ERC2: variants seen among roughly 807,000 people sequenced by gnomAD.
ERC2 encodes the protein ELKS/RAB6-interacting/CAST family member 2.
ERC2 carries 42 observed loss-of-function variants against 114.8 expected under a neutral mutation model. The observed-to-expected ratio is 0.37, with a 90% CI of 0.29 to 0.47. The LOEUF (loss-of-function observed/expected upper bound fraction) is 0.47. Ranked by LOEUF, ERC2 falls within the 20% of genes least tolerant of loss-of-function variation. The pLI is 0.99. For missense variants in ERC2, 939 were observed against 1,150.7 expected, an observed-to-expected ratio of 0.82 and a Z score of 2.66; for synonymous variants, 454 against 425.5, an observed-to-expected ratio of 1.07 and a Z score of -0.82.
chr3:55,656,358 A>G (rs1385847235), intron 17 of ERC2, among the ~76,000 whole-genome samples: 1 of 151,904 alleles, frequency 6.6e-6, no homozygotes, highest in Non-Finnish European at 1.5e-5. Context: ...GAGTCTCACT[A>G]TGTTGCCCAG....
chr3:56,325,805 A>T (rs1285732407), intron 2 of ERC2, among the ~76,000 whole-genome samples: 1 of 152,186 alleles, frequency 6.6e-6, no homozygotes, highest in Non-Finnish European at 1.5e-5. Flanking sequence ...CTTTCTACAG[A>T]TGAGAAAACT....
chr3:55,610,550 A>ACACACAC (rs1559739543), intron 17 of ERC2: 1 of 62,062 alleles, frequency 1.6e-5, no homozygotes, highest in Non-Finnish European at 4.3e-5. Context: ...CACACACACA[A>ACACACAC]AGTAGCCAGG....
chr3:56,292,924 T>C (rs1232996080), intron 3 of ERC2, among the ~76,000 whole-genome samples: 1 of 152,206 alleles, frequency 6.6e-6, no homozygotes, highest in African/African-American at 2.4e-5. Flanking sequence ...TCACCAGTGC[T>C]TCACTCTCTT....
chr3:55,676,854 C>T (rs528552283), intron 17 of ERC2, among the ~76,000 whole-genome samples: 181 of 152,290 alleles, frequency 1.2e-3, no homozygotes, highest in African/African-American at 4.1e-3. Flanking sequence ...CTCTGCTAGA[C>T]GCCTCCCGCC....
chr3:56,107,647 T>C (rs1433436162), intron 6 of ERC2, among the ~76,000 whole-genome samples: 1 of 152,182 alleles, frequency 6.6e-6, no homozygotes, highest in Non-Finnish European at 1.5e-5. Context: ...ACCCTTCTGA[T>C]TTTTTCATTA....
chr3:56,197,448 T>G (rs1423852612), intron 3 of ERC2, among the ~76,000 whole-genome samples: 1 of 152,230 alleles, frequency 6.6e-6, no homozygotes, highest in Non-Finnish European at 1.5e-5. Flanking sequence ...ATATTCACTT[T>G]TGTTCATATT....
intron 2 of ERC2, among the ~76,000 whole-genome samples, chr3:56,307,071 G>A (rs2056272097): frequency 6.6e-6 from 1 of 152,170 alleles, no homozygotes; most frequent in African/African-American, 2.4e-5. Context: ...TGGCCCTGGT[G>A]CAGAGGTGCA....
intron 4 of ERC2, among the ~76,000 whole-genome samples, chr3:56,158,381 G>A (rs1453344903): frequency 6.6e-6 from 1 of 152,110 alleles, no homozygotes; most frequent in Non-Finnish European, 1.5e-5. Flanking sequence ...CAAACTATGT[G>A]TGTATTCAGA....
chr3:55,853,168 A>G (rs2061647618), intron 14 of ERC2, among the ~76,000 whole-genome samples: 1 of 152,218 alleles, frequency 6.6e-6, no homozygotes, highest in Non-Finnish European at 1.5e-5. Context: ...CCGTCCAACC[A>G]TGTGATTCAT....
intron 1 of ERC2, among the ~76,000 whole-genome samples, chr3:56,435,522 G>A (rs1244730305): frequency 6.6e-6 from 1 of 152,186 alleles, no homozygotes; most frequent in Non-Finnish European, 1.5e-5. Context: ...GCTATAAAAA[G>A]GCCCCTCCTT....
chr3:55,724,410 A>G (rs2064781090), intron 15 of ERC2, among the ~76,000 whole-genome samples: 1 of 152,184 alleles, frequency 6.6e-6, no homozygotes. Flanking sequence ...TAACTGAAGT[A>G]TTGCACCAAT....
intron 14 of ERC2, among the ~76,000 whole-genome samples, chr3:55,789,662 C>T (rs2069820209): frequency 6.6e-6 from 1 of 152,148 alleles, no homozygotes; most frequent in African/African-American, 2.4e-5. Context: ...TATCATTTCC[C>T]CCAAACAATT....
intron 2 of ERC2, among the ~76,000 whole-genome samples, chr3:56,342,423 G>A (rs2058124394): frequency 6.6e-6 from 1 of 152,180 alleles, no homozygotes; most frequent in Non-Finnish European, 1.5e-5. Flanking sequence ...AAATAGGTAG[G>A]AAATTACCAT....
chr3:55,549,284 C>CA (rs542986161), intron 17 of ERC2, among the ~76,000 whole-genome samples: 35 of 148,718 alleles, frequency 2.4e-4, no homozygotes, highest in South Asian at 8.6e-4. Flanking sequence ...GTCCCTCCTG[C>CA]AAAAAAAAAG....
chr3:56,410,077 C>T (rs1005668006), intron 2 of ERC2, among the ~76,000 whole-genome samples: 7 of 152,132 alleles, frequency 4.6e-5, no homozygotes, highest in Admixed American at 4.6e-4. Flanking sequence ...CTGGGTGAGG[C>T]TTTTTTCCTT....
At position 55,802,941 on chromosome 3, in the gene ERC2, C is replaced by T. The variant is rs75160463; in HGVS notation, c.2565-68023G>A. 6.9e-3 allele frequency among the ~76,000 whole-genome samples: 1,057 copies of T among 152,234 alleles called. 5 individuals are homozygous for T. The highest frequency in any genetic ancestry group is 0.012 in the Non-Finnish European group (810 of 68,008). Reference sequence around the variant, plus strand: ...GTTCTGGTTTCTCTTCCTGAATATACGGTGTAGTTAGCTATTGACCGTATA... The same window carrying T: ...GTTCTGGTTTCTCTTCCTGAATATATGGTGTAGTTAGCTATTGACCGTATA... On this transcript the variant is annotated intron_variant, in intron 14 of 17. Transcript: ENST00000288221.
At chr3:56,105,685 G>A (rs2078615426) in intron 6 of ERC2, among the ~76,000 whole-genome samples, 1 of 152,184 alleles carries the variant, frequency 6.6e-6, no homozygotes, top group Non-Finnish European at 1.5e-5. Context: ...ACTGTAGAGA[G>A]GCAGTGGGAG....
rs748927048 is a variant in ERC2 at position 55,888,417 on chromosome 3, T to G, written c.2536A>C (p.Lys846Gln). 7 of 1,613,858 alleles carry G rather than the reference T, an allele frequency of 4.3e-6. No homozygotes were observed. The Admixed American group carries it at 1.2e-4, about 27-fold the overall frequency. The part of the protein sequence containing the change: ...HLANLRIERR[K>Q]QLEEILEMKQ... ...ATCTCCAGGATCTCCTCCAGCTGTTTCCTCCTCTCAATCCGGAGGTTGGCC... is the reference window on the plus strand; with the variant it reads ...ATCTCCAGGATCTCCTCCAGCTGTTGCCTCCTCTCAATCCGGAGGTTGGCC... Residue 846 changes from lysine (K) to glutamine (Q), a missense_variant, in exon 14 of 18, where the codon AAA (lysine) becomes CAA (glutamine). By Grantham distance (53) the Lys-to-Gln change is moderately conservative. Around this residue, in one of 5 missense-constraint regions of ERC2, gnomAD observed 328 missense variants for 353.9 expected, o/e 0.93. Coordinates refer to ENST00000288221, the MANE Select transcript of ERC2 (RefSeq NM_015576.3).
chr3:55,953,865 A>G (rs1397876049), intron 12 of ERC2, among the ~76,000 whole-genome samples: 1 of 152,150 alleles, frequency 6.6e-6, no homozygotes, highest in East Asian at 1.9e-4. Flanking sequence ...CAGTCTCCAC[A>G]TCTTCCCCTA....
Sources: gnomAD v4.1 joint callset for allele counts (sites outside exome capture counted in the v4.1 genomes callset) on GRCh38, gnomAD v4.1.1 for gene constraint, gnomAD v4.1.1 regional missense constraint, MANE v1.5 for transcripts, NCBI Gene and HGNC (gene_info 2026-07-23, HGNC 2026-07-21) for gene names.